Variants in PCED1B observed in about 807,000 individuals in gnomAD.
PCED1B encodes the protein PC-esterase domain-containing protein 1B.
For missense variants in PCED1B, 573 were observed against 573.9 expected (o/e 1.00, Z 0.02); for synonymous variants, 251 against 246.1 (o/e 1.02, Z -0.19).
At chr12:47,216,911 G>T (rs1943275811) in intron 3 of PCED1B, among the ~76,000 whole-genome samples, 1 of 152,108 alleles carries the variant, frequency 6.6e-6, no homozygotes, top group African/African-American at 2.4e-5. Context: ...AATGGACAGT[G>T]AAAGAAAACA....
chr12:47,108,212 C>A (rs138487126), intron 2 of PCED1B, among the ~76,000 whole-genome samples: 1 of 152,242 alleles, frequency 6.6e-6, no homozygotes, highest in Non-Finnish European at 1.5e-5. Context: ...AGATCTGCTG[C>A]TAGAGTGGAC....
chr12:47,160,423 T>C (rs1021392054), intron 2 of PCED1B, among the ~76,000 whole-genome samples: 1 of 149,658 alleles, frequency 6.7e-6, no homozygotes, highest in African/African-American at 2.5e-5. Flanking sequence ...TGTCTCAGCC[T>C]CCTGAGTAGC....
chr12:47,086,642 C>T (rs1288075838), intron 1 of PCED1B, among the ~76,000 whole-genome samples: 1 of 152,162 alleles, frequency 6.6e-6, no homozygotes, highest in African/African-American at 2.4e-5. Flanking sequence ...CAAAACTATG[C>T]ATCTAGAATT....
At chr12:47,087,680 T>C (rs1938054101) in intron 1 of PCED1B, among the ~76,000 whole-genome samples, 1 of 152,212 alleles carries the variant, frequency 6.6e-6, no homozygotes, top group South Asian at 2.1e-4. Flanking sequence ...ATTCCAAATA[T>C]TCCAATTCAG....
intron 2 of PCED1B, among the ~76,000 whole-genome samples, chr12:47,114,452 T>C (rs1218011054): frequency 6.6e-6 from 1 of 152,196 alleles, no homozygotes; most frequent in Non-Finnish European, 1.5e-5. Flanking sequence ...TGCAGCTTTC[T>C]CCACACTCTG....
intron 2 of PCED1B, among the ~76,000 whole-genome samples, chr12:47,197,238 C>CAAAAAAAAAAAAAAAAAA (rs57095369): frequency 1.7e-5 from 1 of 58,616 alleles, no homozygotes. Flanking sequence ...GACTCTGTCT[C>CAAAAAAAAAAAAAAAAAA]AAAAAAAAAA....
At chr12:47,129,106 C>T (rs1422400882) in intron 2 of PCED1B, among the ~76,000 whole-genome samples, 1 of 152,208 alleles carries the variant, frequency 6.6e-6, no homozygotes, top group Non-Finnish European at 1.5e-5. Context: ...TCTTTGCCTA[C>T]CAGCCTTCTG....
intron 2 of PCED1B, among the ~76,000 whole-genome samples, chr12:47,125,947 C>T (rs1218259664): frequency 6.6e-6 from 1 of 151,616 alleles, no homozygotes; most frequent in East Asian, 1.9e-4. Flanking sequence ...TAGAAATAAA[C>T]TCAATTTTAT....
intron 1 of PCED1B, among the ~76,000 whole-genome samples, chr12:47,083,597 T>C (rs987245900): frequency 1.3e-5 from 2 of 152,210 alleles, no homozygotes; most frequent in East Asian, 3.8e-4. Flanking sequence ...TTGCCTAAGA[T>C]TTTTTATAGA....
At position 47,129,642 on chromosome 12, in the gene PCED1B, G is replaced by A. The variant is rs561562318; in HGVS notation, c.-526+25447G>A. On this transcript the variant is annotated intron_variant, in intron 2 of 3. Coordinates refer to ENST00000546455, the MANE Select transcript of PCED1B (RefSeq NM_138371.3). Reference sequence around the variant, plus strand: ...AAAGAGTGGCATGCCCCCTTGGGTGGGATTCTCATGCCAGGTTATATAAAT... The same window carrying A: ...AAAGAGTGGCATGCCCCCTTGGGTGAGATTCTCATGCCAGGTTATATAAAT... Among the ~76,000 whole-genome samples, 67 of 152,160 alleles carry A rather than the reference G, an allele frequency of 4.4e-4. No individual in the cohort carries two copies. The Middle Eastern group carries it at 0.01, about 23-fold the overall frequency.
rs879668082 is a variant in PCED1B, at chr12:47,217,523, G to GAAAGAGAA, written c.-58+835_-58+836insAAGAGAAA. On this transcript the variant is annotated intron_variant, in intron 3 of 3. Transcript: ENST00000546455. ...AAGAAAGAAAGAAAGAAAGAAGAAA[G>GAAAGAGAA]AGAAAGAGAGAAAAGAAAAGGAAAG... Among the ~76,000 whole-genome samples, 5 of 115,706 alleles carry GAAAGAGAA rather than the reference G, an allele frequency of 4.3e-5. No homozygotes were observed. In the East Asian group the frequency reaches 8.4e-4, roughly 19 times the overall value. 75.9% of individuals were successfully genotyped at this position (115,706 alleles called of 152,430 possible).
intron 3 of PCED1B, among the ~76,000 whole-genome samples, chr12:47,217,480 G>GAAAAAGAAAGAA (rs149469887): frequency 9.1e-6 from 1 of 109,756 alleles, no homozygotes; most frequent in African/African-American, 4.7e-5. Context: ...GAGAAAGAAA[G>GAAAAAGAAAGAA]AAAGAAAGAA....
chr12:47,185,051 T>C (rs1010259243), intron 2 of PCED1B, among the ~76,000 whole-genome samples: 12 of 152,190 alleles, frequency 7.9e-5, no homozygotes, highest in African/African-American at 2.4e-4. Context: ...CTTGTAAACT[T>C]GTTTCCTCAT....
At chr12:47,221,703 T>C (rs530989772) in intron 3 of PCED1B, among the ~76,000 whole-genome samples, 8 of 152,208 alleles carry the variant, frequency 5.3e-5, no homozygotes, top group African/African-American at 1.9e-4. Flanking sequence ...ATTCCCATTG[T>C]TGGTCAATGC....
At chr12:47,089,190 C>A (rs1368854483) in intron 1 of PCED1B, among the ~76,000 whole-genome samples, 2 of 151,890 alleles carry the variant, frequency 1.3e-5, no homozygotes, top group Non-Finnish European at 2.9e-5. Context: ...CGCCTGTAAT[C>A]CCAGCACTTT....
intron 2 of PCED1B, among the ~76,000 whole-genome samples, chr12:47,168,451 A>G (rs745495206): frequency 7.2e-5 from 11 of 152,122 alleles, no homozygotes; most frequent in South Asian, 2.1e-4. Flanking sequence ...TCAGGCTTCT[A>G]TTGATTTTCC....
At chr12:47,164,409 G>T (rs567513406) in intron 2 of PCED1B, among the ~76,000 whole-genome samples, 2 of 152,304 alleles carry the variant, frequency 1.3e-5, no homozygotes, top group South Asian at 2.1e-4. Context: ...AACCAGCAGG[G>T]CAGACAATTA....
rs1268717540 is a variant in PCED1B, at chr12:47,235,564, T to A, written c.501T>A (p.Pro167=). 1.2e-6 allele frequency: 2 copies of A among 1,609,222 alleles called. No homozygotes were observed. Among genetic ancestry groups the A allele is most frequent in the African/African-American group, 2.7e-5 (2 of 74,826 alleles). The change falls in exon 4 of 4, where the codon CCT becomes CCA. Residue 167 remains proline (P), a synonymous_variant. Transcript: ENST00000546455. The part of the protein sequence containing the change: ...SCLLVWNTAM[P]VGEEVTGGFL... ...TCCTGGTGTGGAACACGGCCATGCC[T>A]GTGGGCGAGGAAGTCACCGGGGGTT...
intron 2 of PCED1B, among the ~76,000 whole-genome samples, chr12:47,109,674 A>G (rs544925279): frequency 2.0e-5 from 3 of 152,336 alleles, no homozygotes; most frequent in Middle Eastern, 3.4e-3. Context: ...TCATGCATTT[A>G]TAACATATTC....
Sources: gnomAD v4.1 joint callset for allele counts (sites outside exome capture counted in the v4.1 genomes callset) on GRCh38, gnomAD v4.1.1 for gene constraint, MANE v1.5 for transcripts, NCBI Gene and HGNC (gene_info 2026-07-23, HGNC 2026-07-21) for gene names.